Variants in AFF3 observed in about 807,000 individuals in gnomAD.
The protein encoded by AFF3 is AF4/FMR2 family member 3.
Under a neutral mutation model 129.7 loss-of-function variants are expected in AFF3, and 32 were observed. That is an observed-to-expected ratio of 0.25 (90% CI 0.19 to 0.33). AFF3 has a LOEUF of 0.33. AFF3 is among the 10% of genes least tolerant of loss of function. The probability of loss-of-function intolerance (pLI) is 1.00; values close to 1 mark genes in which losing one functional copy is unlikely to be tolerated. For missense variants in AFF3, 1,373 were observed against 1,592.0 expected (o/e 0.86, Z 2.34); for synonymous variants, 644 against 635.4 (o/e 1.01, Z -0.20).
intron 7 of AFF3, among the ~76,000 whole-genome samples, chr2:99,933,398 G>A (rs547761090): frequency 6.6e-6 from 1 of 152,064 alleles, no homozygotes; most frequent in Non-Finnish European, 1.5e-5. Flanking sequence ...GTATACGTGT[G>A]CTTTGGTGGT....
intron 7 of AFF3, among the ~76,000 whole-genome samples, chr2:99,975,616 G>A (rs1200303661): frequency 1.3e-5 from 2 of 152,008 alleles, no homozygotes; most frequent in Non-Finnish European, 2.9e-5. Context: ...GGAGGCAGGA[G>A]GCATTTTCAT....
intron 8 of AFF3, among the ~76,000 whole-genome samples, chr2:99,805,361 G>A (rs1686256520): frequency 4.6e-5 from 7 of 152,136 alleles, no homozygotes; most frequent in Admixed American, 2.6e-4. Flanking sequence ...GTGTTACATT[G>A]GTGGTATTAT....
At chr2:99,880,810 A>T (rs1255110120) in intron 7 of AFF3, among the ~76,000 whole-genome samples, 1 of 152,212 alleles carries the variant, frequency 6.6e-6, no homozygotes, top group African/African-American at 2.4e-5. Flanking sequence ...ATGTGGCGAC[A>T]GATGACGGAG....
chr2:99,997,124 G>A (rs949858968), intron 7 of AFF3, among the ~76,000 whole-genome samples: 1 of 151,326 alleles, frequency 6.6e-6, no homozygotes. Flanking sequence ...TAGATGTCAC[G>A]TGTATGCTCA....
chr2:99,835,855 T>C (rs1409241684), intron 8 of AFF3, among the ~76,000 whole-genome samples: 2 of 152,152 alleles, frequency 1.3e-5, no homozygotes, highest in African/African-American at 4.8e-5. Context: ...CCAAAGAGTG[T>C]TGTGGCACAG....
At chr2:99,634,273 C>T (rs909179425) in intron 13 of AFF3, among the ~76,000 whole-genome samples, 1 of 152,190 alleles carries the variant, frequency 6.6e-6, no homozygotes, top group Non-Finnish European at 1.5e-5. Context: ...ACAGACAAGA[C>T]AATGTGCATG....
intron 10 of AFF3, 25 bp from the exon 11 acceptor site, chr2:99,727,153 AC>A: frequency 1.2e-6 from 2 of 1,601,386 alleles, no homozygotes; most frequent in Non-Finnish European, 1.7e-6. Flanking sequence ...AGAAAAAAAT[AC>A]CGACATATGA....
chr2:100,048,009 G>A (rs923260266), intron 4 of AFF3, among the ~76,000 whole-genome samples: 1 of 152,256 alleles, frequency 6.6e-6, no homozygotes, highest in Admixed American at 6.5e-5. Context: ...TTCATGTCAA[G>A]CTCTACTCCC....
At chr2:99,767,679 T>C (rs7578433) in intron 8 of AFF3, among the ~76,000 whole-genome samples, 144,533 of 152,332 alleles carry the variant, frequency 0.95, 68,601 homozygotes, top group East Asian at 1. Context: ...GAGCTGCAGC[T>C]GGGTGCGGTG....
intron 4 of AFF3, among the ~76,000 whole-genome samples, chr2:100,025,866 ATCC>A (rs756887919): frequency 8.5e-5 from 13 of 152,238 alleles, no homozygotes; most frequent in Non-Finnish European, 1.6e-4. Context: ...ATGAAACTGG[ATCC>A]TCATCTCTCG....
intron 4 of AFF3, among the ~76,000 whole-genome samples, chr2:100,064,484 G>A (rs1402060682): frequency 6.6e-6 from 1 of 152,138 alleles, no homozygotes; most frequent in Non-Finnish European, 1.5e-5. Flanking sequence ...TAATATTCTT[G>A]ACTGAATATC....
chr2:99,708,230 T>G lies in AFF3; in HGVS notation c.1091+18847A>C, dbSNP rs373646900. ...TGGCAACACTACTTTGGAGGTTCAA[T>G]GGAAGGGATTTTAAAAAAAACAAAG... On this transcript the variant is annotated intron_variant, in intron 11 of 24. Transcript: ENST00000672756. Among the ~76,000 whole-genome samples, 25 of 152,298 alleles carry G rather than the reference T, an allele frequency of 1.6e-4. 1 individual carries two copies. The East Asian group carries it at 3.7e-3, about 22-fold the overall frequency.
chr2:99,957,630 T>C (rs749508494), intron 7 of AFF3, among the ~76,000 whole-genome samples: 20 of 152,212 alleles, frequency 1.3e-4, no homozygotes, highest in Non-Finnish European at 2.9e-4. Flanking sequence ...AACTGGCCCA[T>C]CCAGGTTAGA....
chr2:100,127,051 T>C (rs1434019252), intron 2 of AFF3, among the ~76,000 whole-genome samples: 1 of 152,188 alleles, frequency 6.6e-6, no homozygotes, highest in Non-Finnish European at 1.5e-5. Context: ...CACCATTATA[T>C]GCATCATTCC....
chr2:99,739,408 T>C (rs1344758634), intron 10 of AFF3, among the ~76,000 whole-genome samples: 1 of 152,162 alleles, frequency 6.6e-6, no homozygotes, highest in African/African-American at 2.4e-5. Context: ...TTTATTTCCA[T>C]TTCTACAGCT....
chr2:99,610,774 T>A (rs1680843071), intron 13 of AFF3, among the ~76,000 whole-genome samples: 1 of 152,238 alleles, frequency 6.6e-6, no homozygotes, highest in Non-Finnish European at 1.5e-5. Flanking sequence ...TTTCTTTGAG[T>A]TCACCTTGTT....
intron 15 of AFF3, among the ~76,000 whole-genome samples, chr2:99,588,822 A>G (rs894337501): frequency 1.3e-5 from 2 of 152,168 alleles, no homozygotes; most frequent in African/African-American, 4.8e-5. Context: ...CATCTCCAGC[A>G]CCCAGTACTG....
chr2:100,050,146 C>T (rs993705996), intron 4 of AFF3, among the ~76,000 whole-genome samples: 3 of 149,818 alleles, frequency 2.0e-5, no homozygotes, highest in Admixed American at 6.6e-5. Flanking sequence ...AGGGGTGAGC[C>T]GAGATCACAC....
At chr2:99,960,191 C>G (rs77580793) in intron 7 of AFF3, among the ~76,000 whole-genome samples, 1 of 151,984 alleles carries the variant, frequency 6.6e-6, no homozygotes, top group African/African-American at 2.4e-5. Context: ...TTACAATAAA[C>G]GAAATGTGAA....
Sources: allele counts gnomAD v4.1 joint callset (sites outside exome capture counted in the v4.1 genomes callset), GRCh38; gene constraint gnomAD v4.1.1; transcripts MANE v1.5; gene names NCBI Gene and HGNC (gene_info 2026-07-23, HGNC 2026-07-21).